Variants in GOSR2 observed in about 807,000 individuals in gnomAD.
GOSR2 encodes 27 kDa Golgi SNARE protein.
In GOSR2, 20 loss-of-function variants were observed where a neutral mutation model predicts 27.9. The ratio of observed to expected loss-of-function variants is 0.72; its 90% CI spans 0.50 to 1.04. The LOEUF (loss-of-function observed/expected upper bound fraction) is 1.04. Ranked by LOEUF, GOSR2 falls within the 50% of genes least tolerant of loss-of-function variation. The probability of loss-of-function intolerance (pLI) is 0.00; values close to 1 mark genes in which losing one functional copy is unlikely to be tolerated. For missense variants in GOSR2, 261 were observed against 270.5 expected (o/e 0.97, Z 0.25); for synonymous variants, 91 against 98.8 (o/e 0.92, Z 0.47).
rs747791818 is a variant in GOSR2 at position 46,923,234 on chromosome 17, C to A, written c.29+13C>A. ...AGCAAACGCACAAGTGAGGGCCGGT[C>A]GGGGAGCGGGCAGGGGCTAGACGAG... On this transcript the variant is annotated intron_variant, in intron 1 of 5. Transcript: ENST00000640051. 7 of 1,550,814 alleles carry A rather than the reference C, an allele frequency of 4.5e-6. No individual in the cohort carries two copies. The highest frequency in any genetic ancestry group is 3.6e-5 in the South Asian group (3 of 84,022).
downstream of GOSR2, among the ~76,000 whole-genome samples, chr17:46,946,691 C>T (rs4968288): frequency 0.32 from 48,800 of 151,662 alleles, 8,830 homozygotes; most frequent in South Asian, 0.49. Context: ...GGTGAAACCC[C>T]GTCTCTACTA....
chr17:46,954,074 C>CA (rs2090554283), intron 6 of GOSR2, among the ~76,000 whole-genome samples: 1 of 152,108 alleles, frequency 6.6e-6, no homozygotes, highest in Non-Finnish European at 1.5e-5. Context: ...CTTTTGTTGC[C>CA]ATCGCTTTTG....
chr17:46,938,252 CAAATT>C (rs1302742603), intron 5 of GOSR2, among the ~76,000 whole-genome samples: 1 of 152,134 alleles, frequency 6.6e-6, no homozygotes, highest in Non-Finnish European at 1.5e-5. Flanking sequence ...TGAACCATCT[CAAATT>C]AATTTTTATG....
intron 6 of GOSR2, among the ~76,000 whole-genome samples, chr17:46,972,796 GTC>G (rs1320867595): frequency 1.3e-5 from 2 of 152,182 alleles, no homozygotes; most frequent in East Asian, 3.9e-4. Flanking sequence ...GTGGACGAGC[GTC>G]TCTGCAGTCA....
At chr17:46,923,256 C>A (rs1332080642) in intron 1 of GOSR2, 35 bp downstream of exon 1, 1 of 1,550,514 alleles carries the variant, frequency 6.4e-7, no homozygotes, top group South Asian at 1.2e-5. Flanking sequence ...AGGGGCTAGA[C>A]GAGGCGAGGC....
intron 5 of GOSR2, chr17:46,936,055 T>C: frequency 1.0e-6 from 1 of 985,514 alleles, no homozygotes; most frequent in Non-Finnish European, 1.2e-6. Context: ...CTGCCATCTC[T>C]ACGGGGGAGA....
chr17:46,937,852 T>C (rs2088653718), intron 5 of GOSR2: 1 of 152,604 alleles, frequency 6.6e-6, no homozygotes, highest in East Asian at 1.9e-4. Flanking sequence ...AGTGACACCA[T>C]TGTTTTCAGT....
chr17:46,961,754 G>GA (rs2147301568), intron 6 of GOSR2, among the ~76,000 whole-genome samples: 1 of 152,204 alleles, frequency 6.6e-6, no homozygotes, highest in Admixed American at 6.5e-5. Flanking sequence ...GATACACAAA[G>GA]AAACTAACCA....
chr17:46,972,984 C>G (rs2091408206), intron 6 of GOSR2: 1 of 153,410 alleles, frequency 6.5e-6, no homozygotes, highest in Non-Finnish European at 1.5e-5. Context: ...AGTATTCCCT[C>G]TAACTTAGCC....
chr17:46,962,253 C>T (rs553538828), intron 6 of GOSR2, among the ~76,000 whole-genome samples: 6 of 151,114 alleles, frequency 4.0e-5, no homozygotes, highest in Admixed American at 2.0e-4. Flanking sequence ...AATTTGAACC[C>T]GGGAGGTGGA....
At chr17:46,945,183 C>G (rs947572187), downstream of GOSR2, among the ~76,000 whole-genome samples, 4 of 152,134 alleles carry the variant, frequency 2.6e-5, no homozygotes, top group Non-Finnish European at 5.9e-5. Flanking sequence ...AGGGAGGAAG[C>G]TCTAACCAGC....
rs2089347118 is a variant in GOSR2 at position 46,942,009 on chromosome 17, G to A, written c.*3249G>A. 1 of 949,348 alleles carries A rather than the reference G, an allele frequency of 1.1e-6. No homozygotes were observed. Among genetic ancestry groups the A allele is most frequent in the Admixed American group, 6.2e-5 (1 of 16,220 alleles). 58.8% of individuals were successfully genotyped at this position (949,348 alleles called of 1,614,324 possible). A position where few individuals can be genotyped will look rare whatever the true frequency, so the allele number is the denominator to read the frequency against. On this transcript the variant is annotated 3_prime_UTR_variant, in exon 6 of 6. Coordinates refer to ENST00000640051, the MANE Select transcript of GOSR2 (RefSeq NM_004287.5). ...GTTAAGTCCAAAATAAATTCTTACT[G>A]TTTATATCCTACCTTAGTCCAAAAA...
intron 6 of GOSR2, among the ~76,000 whole-genome samples, chr17:46,958,836 T>C (rs2090890883): frequency 6.6e-6 from 1 of 152,232 alleles, no homozygotes; most frequent in Non-Finnish European, 1.5e-5. Flanking sequence ...AGAACGGAGC[T>C]CTAGCCTGCT....
chr17:46,936,907 G>C (rs1338065577), intron 5 of GOSR2: 7 of 682,320 alleles, frequency 1.0e-5, no homozygotes, highest in Non-Finnish European at 1.3e-5. Flanking sequence ...TGTCCATGAT[G>C]CCTAATGTTG....
chr17:46,931,093 G>A lies in GOSR2; in HGVS notation c.95-6G>A, dbSNP rs1345182096. 7.1e-7 allele frequency: 1 copy of A among 1,408,208 alleles called. No individual in the cohort carries two copies. Among genetic ancestry groups the A allele is most frequent in the Non-Finnish European group, 1.0e-6 (1 of 994,874 alleles). 87.2% of individuals were successfully genotyped at this position (1,408,208 alleles called of 1,614,324 possible). The stretch of plus-strand genomic sequence containing the variant: ...CAGCAATTATTCTTTTTTCTTTTTT[G>A]TACAGTAGTAGAAAACGAAATCCAA... On this transcript the variant is annotated splice_region_variant and splice_polypyrimidine_tract_variant and intron_variant, in intron 2 of 5. Coordinates refer to ENST00000640051, the MANE Select transcript of GOSR2 (RefSeq NM_004287.5).
intron 5 of GOSR2, chr17:46,935,390 C>G: frequency 7.0e-7 from 1 of 1,438,648 alleles, no homozygotes; most frequent in Non-Finnish European, 9.1e-7. Context: ...CATGAAGTGG[C>G]CTCTCTTAGG....
Position 46,940,748 on chromosome 17 carries a change from C to A in GOSR2, c.*1988C>A. 6.4e-7 allele frequency: 1 copy of A among 1,569,168 alleles called. No individual in the cohort carries two copies. The highest frequency in any genetic ancestry group is 8.6e-7 in the Non-Finnish European group (1 of 1,161,818). ...TTGGCTTTGATGAACCCTCATGCTG[C>A]ACCTTCAGAGCCAGTCCTCTAGTTT... On this transcript the variant is annotated 3_prime_UTR_variant, in exon 6 of 6. Transcript: ENST00000640051.
At chr17:46,975,439 T>G (rs1003314136) in exon 7 of GOSR2, 3 of 152,398 alleles carry the variant, frequency 2.0e-5, no homozygotes, top group Admixed American at 2.0e-4. Context: ...TGTCTGGCTC[T>G]GCCCTGGAGC....
At chr17:46,953,257 C>G (rs1420759152) in intron 6 of GOSR2, among the ~76,000 whole-genome samples, 2 of 151,598 alleles carry the variant, frequency 1.3e-5, no homozygotes, top group Non-Finnish European at 2.9e-5. Context: ...TCCATGTGTT[C>G]TCATTGTTCA....
Sources: allele counts gnomAD v4.1 joint callset (sites outside exome capture counted in the v4.1 genomes callset), GRCh38; gene constraint gnomAD v4.1.1; transcripts MANE v1.5; gene names NCBI Gene and HGNC (gene_info 2026-07-23, HGNC 2026-07-21).